Variants in CMIP observed in about 807,000 individuals in gnomAD.
The protein encoded by CMIP is C-Maf-inducing protein.
A neutral mutation model predicts 97.3 loss-of-function variants in CMIP; 13 were observed. The observed-to-expected ratio is 0.13, with a 90% CI of 0.09 to 0.21. CMIP has a LOEUF of 0.21. Ranked by LOEUF, CMIP falls within the 10% of genes least tolerant of loss-of-function variation. The pLI is 1.00. For synonymous variants in CMIP, 538 were observed against 436.3 expected (o/e 1.23, Z -2.91); for missense variants, 847 against 1,024.9 (o/e 0.83, Z 2.37).
chr16:81,585,778 C>T (rs952700507), intron 1 of CMIP, among the ~76,000 whole-genome samples: 3 of 151,720 alleles, frequency 2.0e-5, no homozygotes, highest in Non-Finnish European at 4.4e-5. Flanking sequence ...CCCTGCAGCC[C>T]CAAATGCCCT....
Position 81,581,476 on chromosome 16 carries a change from G to C in CMIP, c.301-26091G>C, listed in dbSNP as rs74325837. Among the ~76,000 whole-genome samples, 426 of 152,262 alleles carry C rather than the reference G, an allele frequency of 2.8e-3. 8 individuals are homozygous for C. In the East Asian group the frequency reaches 0.036, roughly 13 times the overall value. ...AGTTGTAACATAGTGGTAAGTATTT[G>C]TGTGTCTAAGCATATCTAAACATAG... On this transcript the variant is annotated intron_variant, in intron 1 of 20. Transcript: ENST00000537098.
rs1381407067 is a variant in CMIP, at chr16:81,633,151, T to C, written c.477+12225T>C. On this transcript the variant is annotated intron_variant, in intron 3 of 20. Transcript: ENST00000537098. ...AATTTTGTTTTTCTTTTTCTCGCCC[T>C]TTAAAGACAAGTTTTTAAAACGTAA... Among the ~76,000 whole-genome samples the C allele has an allele frequency of 2.6e-5, 4 of 152,384 alleles. 1 individual carries two copies. The highest frequency in any genetic ancestry group is 4.1e-4 in the South Asian group (2 of 4,830).
intron 1 of CMIP, among the ~76,000 whole-genome samples, chr16:81,566,235 G>A (rs2090981761): frequency 6.6e-6 from 1 of 152,212 alleles, no homozygotes; most frequent in Admixed American, 6.5e-5. Context: ...TTATGTGCTT[G>A]GGGTTTAGTG....
intron 3 of CMIP, among the ~76,000 whole-genome samples, chr16:81,624,269 G>C (rs924050960): frequency 2.6e-5 from 4 of 151,984 alleles, no homozygotes; most frequent in Non-Finnish European, 5.9e-5. Context: ...GTGCAGGTTT[G>C]TTACATATGT....
rs188902594 is a variant in CMIP, at chr16:81,475,008, G to T, written c.300+29467G>T. 2.6e-5 allele frequency among the ~76,000 whole-genome samples: 4 copies of T among 152,356 alleles called. No homozygotes were observed. The East Asian group carries it at 5.8e-4, about 22-fold the overall frequency. ...CTTAAGGAGCCTTCAGCAACATGGA[G>T]TTTAAGTGGCCCTCTTCACCGTGGC... On this transcript the variant is annotated intron_variant, in intron 1 of 20. Transcript: ENST00000537098.
At chr16:81,697,061 G>T (rs948387964) in intron 14 of CMIP, 9 of 232,410 alleles carry the variant, frequency 3.9e-5, no homozygotes, top group South Asian at 3.2e-4. Flanking sequence ...ATTCTGGAAG[G>T]CACTGCAGGT....
chr16:81,492,449 C>T (rs983031038), intron 1 of CMIP, among the ~76,000 whole-genome samples: 4 of 152,180 alleles, frequency 2.6e-5, no homozygotes, highest in African/African-American at 9.7e-5. Context: ...CTTCTGTTAG[C>T]GATGAAGATG....
At chr16:81,476,869 A>T (rs1907956625) in intron 1 of CMIP, among the ~76,000 whole-genome samples, 1 of 151,836 alleles carries the variant, frequency 6.6e-6, no homozygotes, top group Non-Finnish European at 1.5e-5. Context: ...TTACTTCCCG[A>T]CGTCAGCCAA....
At chr16:81,593,137 C>T (rs1447856568) in intron 1 of CMIP, among the ~76,000 whole-genome samples, 4 of 152,184 alleles carry the variant, frequency 2.6e-5, no homozygotes, top group Admixed American at 6.5e-5. Context: ...TAGCTGGTTT[C>T]GTGATTAATG....
intron 1 of CMIP, among the ~76,000 whole-genome samples, chr16:81,537,724 G>GAAAAC (rs10667980): frequency 0.31 from 46,530 of 151,618 alleles, 7,275 homozygotes; most frequent in East Asian, 0.49. Context: ...GAAAAGAAAA[G>GAAAAC]AAATGCCCCA....
rs112914635 is a variant in CMIP, at chr16:81,674,420, C to T, written c.1034+2350C>T. Among the ~76,000 whole-genome samples the T allele has an allele frequency of 9.9e-3, 1,504 of 152,258 alleles. 23 individuals are homozygous for T. The highest frequency in any genetic ancestry group is 0.033 in the African/African-American group (1,382 of 41,552). ...TGCTGGGATTACAGGCGTGAGCCAC[C>T]GCGCCTGGCTTACAGTATTTAAGTT... On this transcript the variant is annotated intron_variant, in intron 9 of 20. Transcript: ENST00000537098.
chr16:81,660,828 A>T, intron 5 of CMIP, 56 bp from the exon 6 acceptor site: 1 of 1,596,476 alleles, frequency 6.3e-7, no homozygotes, highest in South Asian at 1.1e-5. Flanking sequence ...GATTGTTCGA[A>T]GTCTTTCCGT....
intron 9 of CMIP, among the ~76,000 whole-genome samples, chr16:81,677,514 G>T (rs1023898969): frequency 6.6e-6 from 1 of 152,206 alleles, no homozygotes; most frequent in South Asian, 2.1e-4. Context: ...AACTGGGCAC[G>T]TTGGGAAGCA....
At chr16:81,612,185 C>T (rs989809006) in intron 2 of CMIP, among the ~76,000 whole-genome samples, 5 of 152,186 alleles carry the variant, frequency 3.3e-5, no homozygotes, top group African/African-American at 1.2e-4. Flanking sequence ...AAGAGCAGCG[C>T]GGCGCAGATC....
chr16:81,624,796 A>C (rs138983629), intron 3 of CMIP, among the ~76,000 whole-genome samples: 3 of 152,202 alleles, frequency 2.0e-5, no homozygotes, highest in Non-Finnish European at 4.4e-5. Context: ...AACCGCTGCT[A>C]TGGAATTGAC....
chr16:81,450,195 T>A (rs1379681462), intron 1 of CMIP, among the ~76,000 whole-genome samples: 1 of 152,196 alleles, frequency 6.6e-6, no homozygotes, highest in Admixed American at 6.5e-5. Context: ...CTGACTCGTC[T>A]TGAAGGTACC....
chr16:81,539,483 C>G (rs1184707273), intron 1 of CMIP, among the ~76,000 whole-genome samples: 2 of 152,208 alleles, frequency 1.3e-5, no homozygotes, highest in Non-Finnish European at 2.9e-5. Flanking sequence ...GAGAAGGGCA[C>G]TCCACATCTC....
At chr16:81,454,745 C>T (rs539580282) in intron 1 of CMIP, among the ~76,000 whole-genome samples, 1 of 152,318 alleles carries the variant, frequency 6.6e-6, no homozygotes, top group South Asian at 2.1e-4. Flanking sequence ...CACCATTGAA[C>T]AAAGCACATT....
At chr16:81,707,719 C>T (rs1194006235) in intron 20 of CMIP, among the ~76,000 whole-genome samples, 1 of 152,200 alleles carries the variant, frequency 6.6e-6, no homozygotes, top group Non-Finnish European at 1.5e-5. Flanking sequence ...ACGTGCACAT[C>T]TTGGGAAGGT....
Sources: allele counts gnomAD v4.1 joint callset (sites outside exome capture counted in the v4.1 genomes callset), GRCh38; gene constraint gnomAD v4.1.1; transcripts MANE v1.5; gene names NCBI Gene and HGNC (gene_info 2026-07-23, HGNC 2026-07-21).